Variants in TRPC4AP observed in about 807,000 individuals in gnomAD.
The protein encoded by TRPC4AP is transient receptor potential cation channel subfamily C member 4 associated protein.
In TRPC4AP, 45 loss-of-function variants were observed where a neutral mutation model predicts 99.0. That is an observed-to-expected ratio of 0.45 (90% CI 0.36 to 0.58). The LOEUF (loss-of-function observed/expected upper bound fraction) is 0.58. Ranked by LOEUF, TRPC4AP falls within the 20% of genes least tolerant of loss-of-function variation. The probability of loss-of-function intolerance (pLI) is 0.00; values close to 1 mark genes in which losing one functional copy is unlikely to be tolerated. For synonymous variants in TRPC4AP, 408 were observed against 385.8 expected (o/e 1.06, Z -0.67); for missense variants, 879 against 985.3 (o/e 0.89, Z 1.44).
At chr20:35,070,007 A>G (rs1600639646) in intron 2 of TRPC4AP, among the ~76,000 whole-genome samples, 1 of 152,158 alleles carries the variant, frequency 6.6e-6, no homozygotes, top group Admixed American at 6.5e-5. Flanking sequence ...TCATGCTGTG[A>G]GAACACAGCC....
intron 1 of TRPC4AP, among the ~76,000 whole-genome samples, chr20:35,084,339 C>T (rs376711942): frequency 1.8e-4 from 27 of 150,916 alleles, no homozygotes; most frequent in South Asian, 1.2e-3. Context: ...CACCACCATG[C>T]GATACACCAA....
rs538194582 is a variant in TRPC4AP at position 35,056,960 on chromosome 20, T to C, written c.472+554A>G. 3.2e-4 allele frequency among the ~76,000 whole-genome samples: 39 copies of C among 120,662 alleles called. No homozygotes were observed. In the East Asian group the frequency reaches 7.6e-3, roughly 23 times the overall value. The allele number at this position is 120,662 out of a possible 152,430, so 79.2% of individuals were successfully genotyped here. On this transcript the variant is annotated intron_variant, in intron 4 of 18. Transcript: ENST00000252015. Reference sequence around the variant, plus strand: ...AAGATCATGCCACTGCACTCCAGCCTGGGCAACAGAGCGAGAGACTGTCTC... The same window carrying C: ...AAGATCATGCCACTGCACTCCAGCCCGGGCAACAGAGCGAGAGACTGTCTC...
At chr20:35,075,683 C>T (rs138180677) in intron 2 of TRPC4AP, among the ~76,000 whole-genome samples, 322 of 152,258 alleles carry the variant, frequency 2.1e-3, no homozygotes, top group African/African-American at 7.5e-3. Context: ...CTCTGGCTGC[C>T]CTTAATATTT....
At position 35,003,140 on chromosome 20, in the gene TRPC4AP, C is replaced by T. The variant is rs773063754; in HGVS notation, c.*6G>A. On this transcript the variant is annotated 3_prime_UTR_variant, in exon 19 of 19. Coordinates refer to ENST00000252015, the MANE Select transcript of TRPC4AP (RefSeq NM_015638.3). The stretch of plus-strand genomic sequence containing the variant: ...GCCCAGCAGCCTCCCGAGGCCTGGC[C>T]CAAGGTCACTCCTCAGTGAAGTCCC... The T allele has an allele frequency of 1.2e-6, 2 of 1,614,018 alleles. No individual in the cohort carries two copies. Among genetic ancestry groups the T allele is most frequent in the Non-Finnish European group, 1.7e-6 (2 of 1,179,952 alleles).
rs1379339509 is a variant in TRPC4AP, at chr20:35,014,214, T to G, written c.1351-1148A>C. On this transcript the variant is annotated intron_variant, in intron 10 of 18. Coordinates refer to ENST00000252015, the MANE Select transcript of TRPC4AP (RefSeq NM_015638.3). ...AAACAGCAAATAAGGAAAAGCAGGCTGCTAGCTCATGCAGTGGGCAGCCCC... is the reference window on the plus strand; with the variant it reads ...AAACAGCAAATAAGGAAAAGCAGGCGGCTAGCTCATGCAGTGGGCAGCCCC... 2.0e-5 allele frequency among the ~76,000 whole-genome samples: 3 copies of G among 151,992 alleles called. No individual in the cohort carries two copies. In the East Asian group the frequency reaches 5.8e-4, roughly 29 times the overall value.
chr20:35,082,061 G>A (rs2084660970), intron 1 of TRPC4AP, among the ~76,000 whole-genome samples: 1 of 151,962 alleles, frequency 6.6e-6, no homozygotes, highest in Non-Finnish European at 1.5e-5. Context: ...GATAAAAATG[G>A]CAAACTGGAT....
chr20:35,052,482 G>A (rs967386674), intron 5 of TRPC4AP, among the ~76,000 whole-genome samples: 3 of 151,978 alleles, frequency 2.0e-5, no homozygotes, highest in African/African-American at 7.3e-5. Flanking sequence ...TTTCTGGTGA[G>A]CAGTACTGTT....
intron 10 of TRPC4AP, among the ~76,000 whole-genome samples, chr20:35,013,631 A>G (rs1230206331): frequency 6.6e-6 from 1 of 152,136 alleles, no homozygotes; most frequent in Non-Finnish European, 1.5e-5. Flanking sequence ...GAGCGGGGGA[A>G]GTCCATAGGA....
intron 4 of TRPC4AP, among the ~76,000 whole-genome samples, chr20:35,056,344 G>C (rs1488750000): frequency 1.3e-5 from 2 of 152,276 alleles, no homozygotes; most frequent in East Asian, 3.9e-4. Flanking sequence ...GGGAAAAAAA[G>C]TCTCAGCCTT....
chr20:35,045,152 C>T (rs185652225), intron 6 of TRPC4AP, among the ~76,000 whole-genome samples: 197 of 152,236 alleles, frequency 1.3e-3, no homozygotes, highest in African/African-American at 4.3e-3. Context: ...TTTTTTCTCT[C>T]CCTGCAGACG....
Position 35,006,570 on chromosome 20 carries a change from G to A in TRPC4AP, c.1692C>T (p.Ile564=). Residue 564 remains isoleucine (I), a synonymous_variant, in exon 15 of 19, where the codon ATC becomes ATT. Transcript: ENST00000252015. ...FLLKRGLLEH[I]LYCIVDSECK... ...ACTCGCTGTCCACAATGCAGTAAAG[G>A]ATGTGCTGGGTGAGGAGGGACAGGG... The A allele has an allele frequency of 6.2e-7, 1 of 1,613,792 alleles. No individual in the cohort carries two copies. Among genetic ancestry groups the A allele is most frequent in the Non-Finnish European group, 8.5e-7 (1 of 1,179,710 alleles).
At chr20:35,032,469 T>C (rs1251100806) in intron 8 of TRPC4AP, among the ~76,000 whole-genome samples, 1 of 25,856 alleles carries the variant, frequency 3.9e-5, no homozygotes, top group Admixed American at 6.9e-4. Context: ...TCTTTGATCT[T>C]TTTTTTTTTT....
At chr20:35,032,443 C>T (rs929477940) in intron 8 of TRPC4AP, among the ~76,000 whole-genome samples, 1 of 148,972 alleles carries the variant, frequency 6.7e-6, no homozygotes, top group African/African-American at 2.4e-5. Flanking sequence ...TTTACTTCTT[C>T]AAGCATAGTT....
intron 1 of TRPC4AP, among the ~76,000 whole-genome samples, chr20:35,088,382 T>C (rs530382192): frequency 6.6e-6 from 1 of 152,334 alleles, no homozygotes; most frequent in South Asian, 2.1e-4. Flanking sequence ...TGAGATTGCT[T>C]GGCAAGTACA....
intron 3 of TRPC4AP, among the ~76,000 whole-genome samples, chr20:35,061,233 T>C (rs1346107755): frequency 6.6e-6 from 1 of 152,116 alleles, no homozygotes; most frequent in African/African-American, 2.4e-5. Flanking sequence ...ATGAAAACAA[T>C]TCCATTTAAA....
rs1395511454 is a variant in TRPC4AP, at chr20:35,005,785, G to C, written c.1846C>G (p.Gln616Glu). 6.2e-7 allele frequency: 1 copy of C among 1,614,176 alleles called. No individual in the cohort carries two copies. Among genetic ancestry groups the C allele is most frequent in the Admixed American group, 1.7e-5 (1 of 60,024 alleles). Residue 616 changes from glutamine to glutamate, a missense_variant, in exon 16 of 19, where the codon CAG (glutamine) becomes GAG (glutamate). Around this residue, in one of 3 missense-constraint regions of TRPC4AP, gnomAD observed 224 missense variants for 264.7 expected, o/e 0.85. Coordinates refer to ENST00000252015, the MANE Select transcript of TRPC4AP (RefSeq NM_015638.3). ...TDAKFQVFLK[Q>E]INSSLVDSNM... ...GAGTCCACCAGGGAGCTGTTGATCT[G>C]CTTCAGGAATACCTGGAACTATACA...
intron 13 of TRPC4AP, 59 bp downstream of exon 13, chr20:35,008,605 T>C: frequency 6.6e-7 from 1 of 1,510,336 alleles, no homozygotes; most frequent in Non-Finnish European, 9.1e-7. Context: ...CCTAACCTCC[T>C]GAGAAACACC....
chr20:35,060,750 T>C (rs1286488981), intron 3 of TRPC4AP, among the ~76,000 whole-genome samples: 1 of 151,890 alleles, frequency 6.6e-6, no homozygotes, highest in African/African-American at 2.4e-5. Context: ...CACACGGTCA[T>C]CTCAACAGAT....
chr20:35,090,983 C>T (rs62213736), intron 1 of TRPC4AP, among the ~76,000 whole-genome samples: 36 of 152,078 alleles, frequency 2.4e-4, no homozygotes, highest in Admixed American at 2.6e-4. Context: ...CCTCTTTCTG[C>T]CTGTCTCTAC....
Sources: gnomAD v4.1 joint callset for allele counts (sites outside exome capture counted in the v4.1 genomes callset) on GRCh38, gnomAD v4.1.1 for gene constraint, gnomAD v4.1.1 regional missense constraint, MANE v1.5 for transcripts, NCBI Gene and HGNC (gene_info 2026-07-23, HGNC 2026-07-21) for gene names.